ANK2: variants seen among roughly 807,000 people sequenced by gnomAD.
The protein encoded by ANK2 is ankyrin 2, also known as ankyrin-2.
ANK2 carries 83 observed loss-of-function variants against 360.5 expected under a neutral mutation model. The ratio of observed to expected loss-of-function variants is 0.23; its 90% CI spans 0.19 to 0.28. The LOEUF (loss-of-function observed/expected upper bound fraction) is 0.28. Ranked by LOEUF, ANK2 falls within the 10% of genes least tolerant of loss-of-function variation. The probability of loss-of-function intolerance (pLI) is 1.00; values close to 1 mark genes in which losing one functional copy is unlikely to be tolerated. For missense variants in ANK2, 4,201 were observed against 4,795.7 expected, an observed-to-expected ratio of 0.88 and a Z score of 3.66; for synonymous variants, 1,740 against 1,759.5, an observed-to-expected ratio of 0.99 and a Z score of 0.28.
chr4:112,935,645 C>T (rs1289364373), intron 2 of ANK2, among the ~76,000 whole-genome samples: 1 of 77,892 alleles, frequency 1.3e-5, no homozygotes, highest in African/African-American at 1.2e-4. Context: ...AGTTTGAGAC[C>T]AGCCTGGGCA....
chr4:112,826,530 A>G (rs114139423), intron 1 of ANK2: 179 of 1,336,560 alleles, frequency 1.3e-4, no homozygotes, highest in African/African-American at 8.2e-4. Context: ...TGGCACTCCA[A>G]TGCAAATCAA....
chr4:112,874,385 CA>C lies in ANK2; in HGVS notation c.-39-30069del, dbSNP rs551109419. On this transcript the variant is annotated intron_variant, in intron 1 of 30. Transcript: ENST00000503271. ...GGCGTGAGCCACTGCAACTGGCCCA[CA>C]CTTTTAAAAATTATTAAGCCAAGGC... Among the ~76,000 whole-genome samples, 49 of 150,928 alleles carry C rather than the reference CA, an allele frequency of 3.2e-4. No homozygotes were observed. In the East Asian group the frequency reaches 9.0e-3, roughly 28 times the overall value.
At chr4:112,714,958 C>A in the ANK2 span, among the ~76,000 whole-genome samples, 1 of 152,188 alleles carries the variant, frequency 6.6e-6, no homozygotes, top group Non-Finnish European at 1.5e-5. Context: ...CAAACCCCAT[C>A]AAACATAGTG....
At chr4:113,075,338 A>G (rs562969001) in intron 1 of ANK2, among the ~76,000 whole-genome samples, 2 of 152,206 alleles carry the variant, frequency 1.3e-5, no homozygotes, top group South Asian at 4.1e-4. Flanking sequence ...TAATGTACTT[A>G]TGTGTGATTA....
chr4:113,068,969 G>T (rs1393580499), intron 1 of ANK2, among the ~76,000 whole-genome samples: 1 of 152,116 alleles, frequency 6.6e-6, no homozygotes, highest in African/African-American at 2.4e-5. Flanking sequence ...AAGCTGAAGT[G>T]GGAGGATTGC....
intron 1 of ANK2, among the ~76,000 whole-genome samples, chr4:112,847,898 C>A (rs1473792433): frequency 6.6e-6 from 1 of 152,114 alleles, no homozygotes; most frequent in Non-Finnish European, 1.5e-5. Context: ...TCATCATCTT[C>A]CCTGTTCTAG....
chr4:112,965,526 A>G (rs1276666277), intron 2 of ANK2, among the ~76,000 whole-genome samples: 1 of 152,152 alleles, frequency 6.6e-6, no homozygotes, highest in Non-Finnish European at 1.5e-5. Context: ...GTGGGGCATT[A>G]GTCAAAAAAT....
Position 112,854,876 on chromosome 4 carries a change from G to A in ANK2, c.-40+36612G>A, listed in dbSNP as rs116602018. ...AGTGTGGGAGGAATGGAGTAGAATG[G>A]GAGGGAGGGTGGTATGATTTAATTT... On this transcript the variant is annotated intron_variant, in intron 1 of 30. Coordinates refer to the ANK2 transcript ENST00000503271. Among the ~76,000 whole-genome samples, 516 of 152,232 alleles carry A rather than the reference G, an allele frequency of 3.4e-3. 5 individuals are homozygous for A. Among genetic ancestry groups the A allele is most frequent in the African/African-American group, 0.012 (498 of 41,540 alleles).
At chr4:113,362,088 C>T (rs1278477610) in intron 39 of ANK2, among the ~76,000 whole-genome samples, 1 of 152,110 alleles carries the variant, frequency 6.6e-6, no homozygotes, top group Non-Finnish European at 1.5e-5. Context: ...GAATAATATT[C>T]CTCATAAGTA....
intron 10 of ANK2, among the ~76,000 whole-genome samples, chr4:113,252,890 A>C (rs1466969342): frequency 1.3e-5 from 2 of 152,154 alleles, no homozygotes; most frequent in Non-Finnish European, 2.9e-5. Flanking sequence ...CACTAACCTC[A>C]AGTCAGCTGG....
chr4:113,158,897 T>A (rs544262192), intron 1 of ANK2, among the ~76,000 whole-genome samples: 1 of 152,350 alleles, frequency 6.6e-6, no homozygotes, highest in African/African-American at 2.4e-5. Context: ...TATCCCACAA[T>A]AATCTAACTC....
chr4:113,163,418 A>C (rs1161222128), intron 1 of ANK2, among the ~76,000 whole-genome samples: 1 of 152,106 alleles, frequency 6.6e-6, no homozygotes, highest in Non-Finnish European at 1.5e-5. Context: ...ACACATTAGA[A>C]AAATGGGCTT....
rs190774466 is a variant in ANK2 at position 112,942,024 on chromosome 4, A to G, written c.21+37510A>G. On this transcript the variant is annotated intron_variant, in intron 2 of 30. Transcript: ENST00000503271. ...TAGCTATTATTGTTGTTTTATTTTT[A>G]TGTGTGTTTGATAAAACTTGTTTTC... Among the ~76,000 whole-genome samples, 9 of 151,986 alleles carry G rather than the reference A, an allele frequency of 5.9e-5. No homozygotes were observed. In the East Asian group the frequency reaches 1.7e-3, roughly 29 times the overall value.
intron 41 of ANK2, among the ~76,000 whole-genome samples, chr4:113,366,660 A>G (rs2096550360): frequency 6.6e-6 from 1 of 152,072 alleles, no homozygotes; most frequent in Admixed American, 6.5e-5. Flanking sequence ...AGATCAACAT[A>G]TACCTTTTTC....
chr4:113,074,758 A>T (rs1034162403), intron 1 of ANK2, among the ~76,000 whole-genome samples: 3 of 152,228 alleles, frequency 2.0e-5, no homozygotes, highest in Non-Finnish European at 2.9e-5. Flanking sequence ...CCCAGTGACT[A>T]ACACAAGGCT....
At chr4:113,247,809 G>A (rs962039784) in intron 9 of ANK2, among the ~76,000 whole-genome samples, 24 of 152,162 alleles carry the variant, frequency 1.6e-4, no homozygotes, top group African/African-American at 5.8e-4. Context: ...CACCATGTGG[G>A]ATTTCTCAAA....
intron 2 of ANK2, among the ~76,000 whole-genome samples, chr4:113,177,155 C>A (rs2098242629): frequency 6.6e-6 from 1 of 152,174 alleles, no homozygotes; most frequent in South Asian, 2.1e-4. Context: ...TCTCGGCTCA[C>A]TGCAGGCTTC....
chr4:113,249,332 G>T (rs1048793952), intron 9 of ANK2, among the ~76,000 whole-genome samples: 1 of 152,184 alleles, frequency 6.6e-6, no homozygotes, highest in African/African-American at 2.4e-5. Context: ...TTAGGTAAAA[G>T]TATATTAGAA....
At chr4:113,277,683 T>A (rs1423278847) in intron 15 of ANK2, among the ~76,000 whole-genome samples, 154 bp from the exon 16 acceptor site, 1 of 152,252 alleles carries the variant, frequency 6.6e-6, no homozygotes, top group African/African-American at 2.4e-5. Context: ...ATTCTTTTTC[T>A]TTGTCCTTGT....
Sources: gnomAD v4.1 joint callset for allele counts (sites outside exome capture counted in the v4.1 genomes callset) on GRCh38, gnomAD v4.1.1 for gene constraint, MANE v1.5 for transcripts, NCBI Gene and HGNC (gene_info 2026-07-23, HGNC 2026-07-21) for gene names.